The following PRR16 variants were observed in gnomAD, a reference collection of about 807,000 sequenced individuals.
The protein encoded by PRR16 is protein Largen.
Under a neutral mutation model 18.2 loss-of-function variants are expected in PRR16, and 6 were observed. That is an observed-to-expected ratio of 0.33 (90% CI 0.18 to 0.65). The LOEUF (loss-of-function observed/expected upper bound fraction) is 0.65, where lower values mean the gene tolerates loss of function less well. Among genes scored for constraint, PRR16 ranks in the 30% least tolerant of loss-of-function variants. The probability of loss-of-function intolerance (pLI) is 0.74; values close to 1 mark genes in which losing one functional copy is unlikely to be tolerated. For synonymous variants in PRR16, 151 were observed against 147.8 expected, an observed-to-expected ratio of 1.02 and a Z score of -0.16; for missense variants, 412 against 376.6, an observed-to-expected ratio of 1.09 and a Z score of -0.78.
At chr5:120,763,720 C>A in the PRR16 span, among the ~76,000 whole-genome samples, 1 of 151,934 alleles carries the variant, frequency 6.6e-6, no homozygotes, top group African/African-American at 2.4e-5. Flanking sequence ...ATGTCTTCTT[C>A]AATTTCTTTC....
the PRR16 span, among the ~76,000 whole-genome samples, chr5:120,720,903 C>G: frequency 6.6e-6 from 1 of 151,930 alleles, no homozygotes; most frequent in African/African-American, 2.4e-5. Flanking sequence ...CAGATTTCAT[C>G]AGTATGAAAA....
At chr5:120,640,712 A>G (rs1755393326) in intron 1 of PRR16, among the ~76,000 whole-genome samples, 1 of 152,164 alleles carries the variant, frequency 6.6e-6, no homozygotes, top group Non-Finnish European at 1.5e-5. Context: ...ATTAAAAAGT[A>G]GCTCAATGGT....
At chr5:120,479,871 T>C (rs774243999) in intron 1 of PRR16, among the ~76,000 whole-genome samples, 1 of 152,164 alleles carries the variant, frequency 6.6e-6, no homozygotes, top group Non-Finnish European at 1.5e-5. Context: ...CTAGTTCAGT[T>C]AGTCATCATT....
At chr5:120,559,327 A>T (rs756149163) in intron 1 of PRR16, among the ~76,000 whole-genome samples, 4 of 151,672 alleles carry the variant, frequency 2.6e-5, no homozygotes, top group African/African-American at 4.8e-5. Context: ...TTTGTATGTG[A>T]TGAGAGGTAA....
At chr5:120,607,014 A>G (rs531922431) in intron 1 of PRR16, among the ~76,000 whole-genome samples, 1 of 152,240 alleles carries the variant, frequency 6.6e-6, no homozygotes, top group Non-Finnish European at 1.5e-5. Flanking sequence ...AAACATGGGC[A>G]GTGCTTTTTG....
At chr5:120,710,374 T>C in the PRR16 span, among the ~76,000 whole-genome samples, 1 of 152,238 alleles carries the variant, frequency 6.6e-6, no homozygotes, top group African/African-American at 2.4e-5. Flanking sequence ...GAAAATCTCA[T>C]AGGCTCTAGG....
chr5:120,697,826 T>G, the PRR16 span, among the ~76,000 whole-genome samples: 1 of 152,090 alleles, frequency 6.6e-6, no homozygotes. Flanking sequence ...TGTCATCACT[T>G]AAGGCAAGGA....
At chr5:120,659,741 G>T (rs1756111378) in intron 1 of PRR16, among the ~76,000 whole-genome samples, 2 of 151,848 alleles carry the variant, frequency 1.3e-5, no homozygotes. Flanking sequence ...ATTTATACTT[G>T]AACGGCAGCT....
chr5:120,564,952 C>A (rs1053731431), intron 1 of PRR16, among the ~76,000 whole-genome samples: 10 of 148,630 alleles, frequency 6.7e-5, no homozygotes, highest in African/African-American at 2.5e-4. Context: ...CGCCACTGCA[C>A]TCCAGCCTGG....
the PRR16 span, among the ~76,000 whole-genome samples, chr5:120,726,531 A>C: frequency 1.3e-5 from 2 of 152,090 alleles, no homozygotes; most frequent in Non-Finnish European, 2.9e-5. Flanking sequence ...TGGCATGCAG[A>C]TGGGAAAAGG....
At chr5:120,733,059 T>C in the PRR16 span, among the ~76,000 whole-genome samples, 1 of 152,186 alleles carries the variant, frequency 6.6e-6, no homozygotes, top group Non-Finnish European at 1.5e-5. Flanking sequence ...CAACATACAA[T>C]GTGATGATGC....
chr5:120,768,653 G>A, the PRR16 span, among the ~76,000 whole-genome samples: 2 of 151,534 alleles, frequency 1.3e-5, no homozygotes, highest in Non-Finnish European at 3.0e-5. Flanking sequence ...AAGGTTTGCA[G>A]AATTATTTTG....
At chr5:120,658,890 T>C (rs1392489571) in intron 1 of PRR16, among the ~76,000 whole-genome samples, 3 of 151,914 alleles carry the variant, frequency 2.0e-5, no homozygotes, top group Non-Finnish European at 4.4e-5. Context: ...TATTTCCTTC[T>C]TTTTTTATTT....
At chr5:120,642,685 T>C (rs1755462596) in intron 1 of PRR16, among the ~76,000 whole-genome samples, 1 of 152,070 alleles carries the variant, frequency 6.6e-6, no homozygotes, top group Non-Finnish European at 1.5e-5. Context: ...CTGGTCCCTC[T>C]TTCCAGAATG....
At chr5:120,703,162 G>A in the PRR16 span, among the ~76,000 whole-genome samples, 1 of 152,108 alleles carries the variant, frequency 6.6e-6, no homozygotes, top group African/African-American at 2.4e-5. Flanking sequence ...AGGAGTGGGG[G>A]TCGCAAGGTG....
At chr5:120,699,720 G>T in the PRR16 span, among the ~76,000 whole-genome samples, 7 of 152,092 alleles carry the variant, frequency 4.6e-5, no homozygotes, top group African/African-American at 1.7e-4. Context: ...GGTCAAGTTG[G>T]ACAGAAAGGC....
At chr5:120,665,376 G>T (rs1332438648) in intron 1 of PRR16, among the ~76,000 whole-genome samples, 4 of 151,884 alleles carry the variant, frequency 2.6e-5, no homozygotes, top group African/African-American at 7.3e-5. Context: ...CAGATGAGTA[G>T]GTTGTGAAAA....
At chr5:120,604,815 A>G (rs972881213) in intron 1 of PRR16, among the ~76,000 whole-genome samples, 2 of 152,146 alleles carry the variant, frequency 1.3e-5, no homozygotes, top group African/African-American at 4.8e-5. Flanking sequence ...TGGATATGAA[A>G]TTCTTTGTTG....
intron 1 of PRR16, among the ~76,000 whole-genome samples, chr5:120,518,960 A>G (rs1403452203): frequency 6.6e-6 from 1 of 152,162 alleles, no homozygotes; most frequent in Non-Finnish European, 1.5e-5. Context: ...CTTGTTTAAG[A>G]TACTGTAGTT....
Sources: allele counts gnomAD v4.1 joint callset (sites outside exome capture counted in the v4.1 genomes callset), GRCh38; gene constraint gnomAD v4.1.1; transcripts MANE v1.5; gene names NCBI Gene and HGNC (gene_info 2026-07-23, HGNC 2026-07-21).